The following CCSER1 variants were observed in gnomAD, a reference collection of about 807,000 sequenced individuals.
The protein encoded by CCSER1 is serine-rich coiled-coil domain-containing protein 1.
CCSER1 carries 41 observed loss-of-function variants against 82.0 expected under a neutral mutation model. That is an observed-to-expected ratio of 0.50 (90% CI 0.39 to 0.65). CCSER1 has a LOEUF of 0.65. Ranked by LOEUF, CCSER1 falls within the 30% of genes least tolerant of loss-of-function variation. The probability of loss-of-function intolerance (pLI) is 0.00; values close to 1 mark genes in which losing one functional copy is unlikely to be tolerated. For synonymous variants in CCSER1, 414 were observed against 383.9 expected (o/e 1.08, Z -0.92); for missense variants, 1,119 against 1,064.2 (o/e 1.05, Z -0.72).
Position 90,298,112 on chromosome 4 carries a change from C to G in CCSER1, c.-41-10132C>G, listed in dbSNP as rs549979089. ...CCTCTGGTAGAATTCCACTGTGAATCCATCTGGTCCTGGACTCTTTTTGGT... is the reference window on the plus strand; with the variant it reads ...CCTCTGGTAGAATTCCACTGTGAATGCATCTGGTCCTGGACTCTTTTTGGT... On this transcript the variant is annotated intron_variant, in intron 1 of 10. Transcript: ENST00000509176. Among the ~76,000 whole-genome samples the G allele has an allele frequency of 2.0e-5, 3 of 152,216 alleles. No individual in the cohort carries two copies. In the South Asian group the frequency reaches 6.2e-4, roughly 32 times the overall value.
Position 91,178,585 on chromosome 4 carries a change from T to G in CCSER1, c.2217+92591T>G, listed in dbSNP as rs544370490. Among the ~76,000 whole-genome samples the G allele has an allele frequency of 1.6e-4, 25 of 152,326 alleles. No homozygotes were observed. The East Asian group carries it at 2.3e-3, about 14-fold the overall frequency. On this transcript the variant is annotated intron_variant, in intron 10 of 10. Coordinates refer to ENST00000509176, the MANE Select transcript of CCSER1 (RefSeq NM_001145065.2). ...TAATGGCCTTCCTTCTCTTTTGATC[T>G]TTGTTGGTTTAAAGTCTGTTGTATC...
chr4:91,276,669 G>C (rs1292839744), intron 10 of CCSER1, among the ~76,000 whole-genome samples: 1 of 151,978 alleles, frequency 6.6e-6, no homozygotes, highest in Non-Finnish European at 1.5e-5. Flanking sequence ...TTCTGGCTAT[G>C]TCTGCCAGTA....
intron 10 of CCSER1, among the ~76,000 whole-genome samples, chr4:91,417,401 T>C (rs1753430096): frequency 6.6e-6 from 1 of 152,188 alleles, no homozygotes; most frequent in South Asian, 2.1e-4. Flanking sequence ...CATATGTTTA[T>C]TGCAGCACTA....
intron 10 of CCSER1, among the ~76,000 whole-genome samples, chr4:91,514,639 T>C (rs1172638276): frequency 6.6e-6 from 1 of 152,172 alleles, no homozygotes; most frequent in Non-Finnish European, 1.5e-5. Context: ...AATAGATTTT[T>C]ATTTGGATTA....
intron 8 of CCSER1, among the ~76,000 whole-genome samples, chr4:90,878,714 T>G (rs550359715): frequency 6.6e-6 from 1 of 152,292 alleles, no homozygotes; most frequent in East Asian, 1.9e-4. Context: ...GAGATGCAAA[T>G]GTACTCTAGA....
At chr4:90,951,319 A>C (rs1319040969) in intron 9 of CCSER1, 2 of 152,086 alleles carry the variant, frequency 1.3e-5, no homozygotes, top group African/African-American at 4.8e-5. Flanking sequence ...ACTACTCAGT[A>C]ACTGAATAGT....
chr4:91,546,972 C>CTTTTTTTTTT (rs70937013), intron 10 of CCSER1, among the ~76,000 whole-genome samples: 1 of 133,460 alleles, frequency 7.5e-6, no homozygotes, highest in Non-Finnish European at 1.6e-5. Flanking sequence ...CTTGAGTTTT[C>CTTTTTTTTTT]TTTTTTTTTT....
chr4:91,027,427 G>A (rs770814445), intron 9 of CCSER1, among the ~76,000 whole-genome samples: 16 of 151,536 alleles, frequency 1.1e-4, no homozygotes, highest in Non-Finnish European at 2.1e-4. Flanking sequence ...ATAACAGGTC[G>A]TGCATATGCA....
chr4:91,174,965 C>G (rs569556111), intron 10 of CCSER1, among the ~76,000 whole-genome samples: 3 of 152,192 alleles, frequency 2.0e-5, no homozygotes, highest in African/African-American at 4.8e-5. Context: ...AATGCTATCT[C>G]TCCCTGCTCC....
chr4:91,470,736 C>T (rs1270754122), intron 10 of CCSER1, among the ~76,000 whole-genome samples: 1 of 152,128 alleles, frequency 6.6e-6, no homozygotes, highest in Non-Finnish European at 1.5e-5. Context: ...GCTATGAGTT[C>T]TTGTAATCTA....
chr4:91,101,386 G>T (rs751182575), intron 10 of CCSER1, among the ~76,000 whole-genome samples: 1 of 152,216 alleles, frequency 6.6e-6, no homozygotes, highest in Non-Finnish European at 1.5e-5. Flanking sequence ...CAAAAGAACT[G>T]ATAAGAGCAC....
chr4:90,614,884 G>A (rs982157682), intron 5 of CCSER1, among the ~76,000 whole-genome samples: 4 of 152,164 alleles, frequency 2.6e-5, no homozygotes, highest in African/African-American at 7.2e-5. Flanking sequence ...GACAGAAGAT[G>A]CCATCTGGGA....
intron 8 of CCSER1, among the ~76,000 whole-genome samples, chr4:90,913,510 A>G (rs1456377041): frequency 1.3e-5 from 2 of 152,234 alleles, no homozygotes; most frequent in Non-Finnish European, 2.9e-5. Context: ...ATGGAAAGGA[A>G]CAGCCAATAC....
At chr4:91,594,470 C>CAT (rs1226229660) in intron 10 of CCSER1, among the ~76,000 whole-genome samples, 1 of 148,368 alleles carries the variant, frequency 6.7e-6, no homozygotes, top group East Asian at 2.0e-4. Flanking sequence ...CACATATATA[C>CAT]ATATATATAC....
At chr4:90,883,708 A>G (rs1246393587) in intron 8 of CCSER1, among the ~76,000 whole-genome samples, 1 of 152,198 alleles carries the variant, frequency 6.6e-6, no homozygotes, top group East Asian at 1.9e-4. Context: ...GCCTTCTGTC[A>G]TTCTGTCACC....
intron 5 of CCSER1, among the ~76,000 whole-genome samples, chr4:90,471,262 C>T (rs1336343986): frequency 6.6e-6 from 1 of 151,714 alleles, no homozygotes; most frequent in African/African-American, 2.4e-5. Flanking sequence ...GATTCTTTCC[C>T]CCCAACCCCC....
chr4:90,795,217 G>A (rs1755822532), intron 7 of CCSER1, among the ~76,000 whole-genome samples: 1 of 150,728 alleles, frequency 6.6e-6, no homozygotes, highest in Admixed American at 6.6e-5. Flanking sequence ...AAACCAGAAA[G>A]CAGAGGTTGC....
At chr4:91,378,165 G>A (rs1293220636) in intron 10 of CCSER1, among the ~76,000 whole-genome samples, 2 of 152,162 alleles carry the variant, frequency 1.3e-5, no homozygotes, top group Non-Finnish European at 2.9e-5. Flanking sequence ...TTGTAGTATA[G>A]TTTGAAGTCA....
rs1305148769 is a variant in CCSER1 at position 91,560,421 on chromosome 4, A to T, written c.2218-38151A>T. On this transcript the variant is annotated intron_variant, in intron 10 of 10. Coordinates refer to ENST00000509176, the MANE Select transcript of CCSER1 (RefSeq NM_001145065.2). Reference sequence around the variant, plus strand: ...TAGTAATTAAATGTTGACTAAATGGATTATCCCATTGATATATGAACATAC... The same window carrying T: ...TAGTAATTAAATGTTGACTAAATGGTTTATCCCATTGATATATGAACATAC... Among the ~76,000 whole-genome samples, 3 of 151,540 alleles carry T rather than the reference A, an allele frequency of 2.0e-5. No homozygotes were observed. The Admixed American group carries it at 2.0e-4, about 10-fold the overall frequency.
Sources: gnomAD v4.1 joint callset for allele counts (sites outside exome capture counted in the v4.1 genomes callset) on GRCh38, gnomAD v4.1.1 for gene constraint, MANE v1.5 for transcripts, NCBI Gene and HGNC (gene_info 2026-07-23, HGNC 2026-07-21) for gene names.